GRM7: variants seen among roughly 807,000 people sequenced by gnomAD.
The protein encoded by GRM7 is glutamate metabotropic receptor 7, also known as metabotropic glutamate receptor 7.
In GRM7, 35 loss-of-function variants were observed where a neutral mutation model predicts 84.5. That is an observed-to-expected ratio of 0.41 (90% CI 0.32 to 0.55). GRM7 has a LOEUF of 0.55. Among genes scored for constraint, GRM7 ranks in the 20% least tolerant of loss-of-function variants. The pLI, the probability that GRM7 is intolerant of heterozygous loss-of-function variation, is 0.19. For synonymous variants in GRM7, 487 were observed against 455.1 expected, an observed-to-expected ratio of 1.07 and a Z score of -0.89; for missense variants, 1,003 against 1,194.6, an observed-to-expected ratio of 0.84 and a Z score of 2.36.
intron 5 of GRM7, among the ~76,000 whole-genome samples, chr3:7,446,303 T>C (rs712788): frequency 0.7 from 105,909 of 152,022 alleles, 37,121 homozygotes; most frequent in East Asian, 0.75. Flanking sequence ...AGCCTTATGC[T>C]GGTTGTTCAG....
chr3:7,726,072 G>A (rs1044832305), intron 9 of GRM7, among the ~76,000 whole-genome samples: 3 of 152,182 alleles, frequency 2.0e-5, no homozygotes, highest in Non-Finnish European at 4.4e-5. Flanking sequence ...AAGCCTGGAA[G>A]AAAGGGTCAT....
At chr3:7,372,365 A>G (rs2125119232) in intron 4 of GRM7, among the ~76,000 whole-genome samples, 2 of 152,320 alleles carry the variant, frequency 1.3e-5, no homozygotes, top group Middle Eastern at 6.8e-3. Flanking sequence ...GTACAATCTT[A>G]TAACACTGAG....
At chr3:7,579,660 C>A (rs1283928395) in intron 8 of GRM7, among the ~76,000 whole-genome samples, 2 of 152,246 alleles carry the variant, frequency 1.3e-5, no homozygotes, top group Middle Eastern at 3.4e-3. Context: ...CCTTCATATT[C>A]ATTTATTCCT....
chr3:7,060,877 T>G (rs6793733), intron 1 of GRM7, among the ~76,000 whole-genome samples: 37,552 of 151,618 alleles, frequency 0.25, 5,030 homozygotes, highest in African/African-American at 0.35. Flanking sequence ...TATCATTGTT[T>G]ATCTCTCAAA....
At chr3:7,270,975 C>T (rs1413800378) in intron 2 of GRM7, among the ~76,000 whole-genome samples, 2 of 152,144 alleles carry the variant, frequency 1.3e-5, no homozygotes, top group East Asian at 3.9e-4. Flanking sequence ...TTGAAGTAAT[C>T]TCTGGAATTT....
At chr3:7,696,225 A>T (rs1216555528) in intron 9 of GRM7, among the ~76,000 whole-genome samples, 2 of 152,212 alleles carry the variant, frequency 1.3e-5, no homozygotes. Flanking sequence ...AAAGCCATTT[A>T]CATTGTAGAG....
At chr3:7,434,700 G>A (rs921831049) in intron 5 of GRM7, among the ~76,000 whole-genome samples, 1 of 151,746 alleles carries the variant, frequency 6.6e-6, no homozygotes, top group African/African-American at 2.4e-5. Flanking sequence ...ATAATATTTT[G>A]CTAAGGAATA....
At chr3:7,357,907 C>A (rs1350161022) in intron 4 of GRM7, among the ~76,000 whole-genome samples, 2 of 152,062 alleles carry the variant, frequency 1.3e-5, no homozygotes, top group Admixed American at 6.6e-5. Flanking sequence ...AAAAAAAACC[C>A]ACTTCCAATC....
chr3:7,042,519 C>T (rs928567071), intron 1 of GRM7, among the ~76,000 whole-genome samples: 1 of 151,738 alleles, frequency 6.6e-6, no homozygotes, highest in African/African-American at 2.4e-5. Flanking sequence ...GTTTTCCCCC[C>T]ATTCTTTCTT....
chr3:7,644,887 A>C (rs1698546296), intron 8 of GRM7, among the ~76,000 whole-genome samples: 1 of 152,102 alleles, frequency 6.6e-6, no homozygotes, highest in Admixed American at 6.5e-5. Context: ...CAGAGCATAG[A>C]GTCCTCTGCT....
intron 5 of GRM7, among the ~76,000 whole-genome samples, chr3:7,416,159 G>A (rs1341203330): frequency 6.6e-6 from 1 of 152,108 alleles, no homozygotes; most frequent in Non-Finnish European, 1.5e-5. Flanking sequence ...GAGAGAATGT[G>A]TGAGCCAAGG....
At chr3:6,872,392 T>C (rs1227226067) in intron 1 of GRM7, among the ~76,000 whole-genome samples, 1 of 152,212 alleles carries the variant, frequency 6.6e-6, no homozygotes, top group Non-Finnish European at 1.5e-5. Context: ...TTTGTTTGCC[T>C]TGATCTCACT....
chr3:7,680,385 T>C, intron 9 of GRM7, 90 bp downstream of exon 9: 1 of 1,368,876 alleles, frequency 7.3e-7, no homozygotes, highest in Non-Finnish European at 1.0e-6. Flanking sequence ...GGAGAAATAC[T>C]GTGATCGTTC....
At chr3:6,883,694 G>C (rs1695591761) in intron 1 of GRM7, among the ~76,000 whole-genome samples, 1 of 152,162 alleles carries the variant, frequency 6.6e-6, no homozygotes, top group Admixed American at 6.6e-5. Flanking sequence ...GTTAGTATTA[G>C]CAAGAACAGC....
At chr3:7,193,158 T>C (rs908439150) in intron 2 of GRM7, among the ~76,000 whole-genome samples, 9 of 152,232 alleles carry the variant, frequency 5.9e-5, no homozygotes, top group East Asian at 1.9e-4. Context: ...AATAAGATCA[T>C]AGATGCTCAG....
intron 9 of GRM7, among the ~76,000 whole-genome samples, chr3:7,690,754 T>G (rs1300517601): frequency 6.6e-6 from 1 of 152,266 alleles, no homozygotes; most frequent in Non-Finnish European, 1.5e-5. Context: ...TAAATAGTTA[T>G]AGATTCTAAT....
intron 4 of GRM7, among the ~76,000 whole-genome samples, chr3:7,313,370 C>A (rs1196451299): frequency 6.6e-6 from 1 of 152,146 alleles, no homozygotes; most frequent in Non-Finnish European, 1.5e-5. Flanking sequence ...CCATGATGAC[C>A]TTACTTAAGC....
intron 7 of GRM7, among the ~76,000 whole-genome samples, chr3:7,472,157 C>T (rs561435531): frequency 2.6e-5 from 4 of 152,318 alleles, no homozygotes; most frequent in African/African-American, 7.2e-5. Context: ...ACTGGCTTCT[C>T]ATCACCTTCT....
chr3:7,136,146 T>C (rs1269891988), intron 1 of GRM7, among the ~76,000 whole-genome samples: 1 of 152,096 alleles, frequency 6.6e-6, no homozygotes, highest in Non-Finnish European at 1.5e-5. Context: ...AAATGACATA[T>C]AATTATTTTC....
Sources: gnomAD v4.1 joint callset for allele counts (sites outside exome capture counted in the v4.1 genomes callset) on GRCh38, gnomAD v4.1.1 for gene constraint, MANE v1.5 for transcripts, NCBI Gene and HGNC (gene_info 2026-07-23, HGNC 2026-07-21) for gene names.